GLI3: variants seen among roughly 807,000 people sequenced by gnomAD.
GLI3 encodes the protein transcription activator GLI3.
Under a neutral mutation model 100.8 loss-of-function variants are expected in GLI3, and 20 were observed. The ratio of observed to expected loss-of-function variants is 0.20; its 90% CI spans 0.14 to 0.29. The LOEUF (loss-of-function observed/expected upper bound fraction) is 0.29. Among genes scored for constraint, GLI3 ranks in the 10% least tolerant of loss-of-function variants. The probability of loss-of-function intolerance (pLI) is 1.00; values close to 1 mark genes in which losing one functional copy is unlikely to be tolerated. For missense variants in GLI3, 2,040 were observed against 2,128.5 expected, an observed-to-expected ratio of 0.96 and a Z score of 0.82; for synonymous variants, 938 against 860.5, an observed-to-expected ratio of 1.09 and a Z score of -1.58.
chr7:42,164,318 C>T (rs912159523), intron 2 of GLI3, among the ~76,000 whole-genome samples: 2 of 151,222 alleles, frequency 1.3e-5, no homozygotes, highest in South Asian at 2.1e-4. Flanking sequence ...CCCAGGAATT[C>T]GAGAACAACT....
At chr7:42,261,973 GCTCT>G (rs1198650288) in intron 1 of GLI3, among the ~76,000 whole-genome samples, 5 of 43,208 alleles carry the variant, frequency 1.2e-4, no homozygotes, top group African/African-American at 3.2e-4. Context: ...TCTCTCTCTC[GCTCT>G]CTCTTTCTTT....
At chr7:42,068,593 T>C (rs1369852129) in intron 4 of GLI3, among the ~76,000 whole-genome samples, 2 of 152,218 alleles carry the variant, frequency 1.3e-5, no homozygotes, top group Admixed American at 1.3e-4. Flanking sequence ...TGCTAACATT[T>C]ATTTTCTGAT....
chr7:41,987,764 A>G (rs1391523001), intron 10 of GLI3, among the ~76,000 whole-genome samples: 1 of 152,222 alleles, frequency 6.6e-6, no homozygotes, highest in Non-Finnish European at 1.5e-5. Context: ...AGATGCTTGA[A>G]AAATTGACGC....
intron 4 of GLI3, among the ~76,000 whole-genome samples, 191 bp from the exon 5 acceptor site, chr7:42,048,887 G>A (rs1214365164): frequency 1.3e-5 from 2 of 151,890 alleles, no homozygotes; most frequent in Non-Finnish European, 2.9e-5. Flanking sequence ...GCAGAGCATC[G>A]CTATGCAATT....
At chr7:42,145,734 T>G (rs1388744974) in intron 3 of GLI3, 1 of 396,842 alleles carries the variant, frequency 2.5e-6, no homozygotes, top group Non-Finnish European at 4.4e-6. Flanking sequence ...AGGAGGATGA[T>G]GATGTAGAAG....
At chr7:42,062,720 C>A (rs1419197351) in intron 4 of GLI3, among the ~76,000 whole-genome samples, 9 of 151,806 alleles carry the variant, frequency 5.9e-5, no homozygotes, top group Non-Finnish European at 7.4e-5. Context: ...CAGACACACA[C>A]ACACACACAC....
chr7:41,964,068 T>TTG lies in GLI3; in HGVS notation c.*261_*262insCA. 3.4e-6 allele frequency: 1 copy of TTG among 296,096 alleles called. No individual in the cohort carries two copies. The allele number at this position is 296,096 out of a possible 1,614,324, so 18.3% of individuals were successfully genotyped here. ...AAAAAGGGGGCGGGGCTTACAGTTT[T>TTG]TTTTTTTTTTTTTAAAAAGAGGGTG... On this transcript the variant is annotated 3_prime_UTR_variant, in exon 15 of 15. Transcript: ENST00000395925.
Position 41,961,431 on chromosome 7 carries a change from C to G in GLI3, c.*2899G>C, listed in dbSNP as rs958025456. On this transcript the variant is annotated 3_prime_UTR_variant, in exon 15 of 15. Transcript: ENST00000395925. ...CTGATTGGGCAACACCAACTGGTCC[C>G]TCTCATTGACAAGATTAACATAAAA... 6.5e-6 allele frequency: 1 copy of G among 152,682 alleles called. No homozygotes were observed. Among genetic ancestry groups the G allele is most frequent in the African/African-American group, 2.4e-5 (1 of 41,566 alleles). The allele number at this position is 152,682 out of a possible 1,614,324, so 9.5% of individuals were successfully genotyped here.
chr7:42,214,262 G>C (rs574018896), intron 2 of GLI3, among the ~76,000 whole-genome samples: 8 of 152,178 alleles, frequency 5.3e-5, no homozygotes, highest in South Asian at 2.1e-4. Context: ...CCTGGCGAAT[G>C]ATGAGGCAGG....
chr7:42,006,618 T>TA (rs1253443933), intron 10 of GLI3, among the ~76,000 whole-genome samples: 1 of 152,190 alleles, frequency 6.6e-6, no homozygotes, highest in Admixed American at 6.5e-5. Flanking sequence ...CAAAAGGCTC[T>TA]GACAAGGACT....
chr7:42,035,676 G>A (rs188190710), intron 7 of GLI3, among the ~76,000 whole-genome samples: 5 of 152,270 alleles, frequency 3.3e-5, no homozygotes, highest in East Asian at 3.9e-4. Context: ...TACATTTGCC[G>A]GAAGACTACA....
At chr7:42,178,154 A>G (rs1787517563) in intron 2 of GLI3, among the ~76,000 whole-genome samples, 1 of 152,232 alleles carries the variant, frequency 6.6e-6, no homozygotes, top group Non-Finnish European at 1.5e-5. Context: ...CAAAAGCAGC[A>G]CACAACAAAT....
chr7:42,061,045 A>C (rs1317524649), intron 4 of GLI3, among the ~76,000 whole-genome samples: 1 of 152,220 alleles, frequency 6.6e-6, no homozygotes, highest in African/African-American at 2.4e-5. Flanking sequence ...CTACTTTAAA[A>C]GTCTCAGCAG....
intron 3 of GLI3, among the ~76,000 whole-genome samples, chr7:42,095,159 C>G (rs1046310600): frequency 6.6e-6 from 1 of 152,208 alleles, no homozygotes; most frequent in African/African-American, 2.4e-5. Flanking sequence ...GACCTTGCCT[C>G]CAAGTTCCTG....
intron 10 of GLI3, among the ~76,000 whole-genome samples, chr7:41,992,901 G>T (rs1041818423): frequency 6.6e-6 from 1 of 152,120 alleles, no homozygotes; most frequent in African/African-American, 2.4e-5. Flanking sequence ...CAGGAAAACT[G>T]GTTCATTTGA....
chr7:42,034,628 A>G (rs1175769313), intron 7 of GLI3, among the ~76,000 whole-genome samples: 1 of 151,952 alleles, frequency 6.6e-6, no homozygotes, highest in Admixed American at 6.6e-5. Flanking sequence ...CAGGGCCTTC[A>G]CCTGCTTGGC....
chr7:42,172,805 A>C (rs987390838), intron 2 of GLI3: 20 of 580,620 alleles, frequency 3.4e-5, no homozygotes, highest in Non-Finnish European at 4.9e-5. Flanking sequence ...GCCATTTATG[A>C]CTCTCAAAGA....
At chr7:42,254,349 G>A (rs775592696) in intron 1 of GLI3, among the ~76,000 whole-genome samples, 1 of 152,102 alleles carries the variant, frequency 6.6e-6, no homozygotes, top group Non-Finnish European at 1.5e-5. Flanking sequence ...AGGCCATAGC[G>A]AAAGAGTGGC....
chr7:42,145,297 A>G (rs1187772542), intron 3 of GLI3: 7 of 334,248 alleles, frequency 2.1e-5, no homozygotes, highest in Non-Finnish European at 3.2e-5. Flanking sequence ...TAAATATTCA[A>G]TATGAATAAA....
Sources: gnomAD v4.1 joint callset for allele counts (sites outside exome capture counted in the v4.1 genomes callset) on GRCh38, gnomAD v4.1.1 for gene constraint, MANE v1.5 for transcripts, NCBI Gene and HGNC (gene_info 2026-07-23, HGNC 2026-07-21) for gene names.